Variants in ABLIM1 observed in about 807,000 individuals in gnomAD.
ABLIM1 encodes the protein actin-binding LIM protein 1.
In ABLIM1, 40 loss-of-function variants were observed where a neutral mutation model predicts 107.0. That is an observed-to-expected ratio of 0.37 (90% CI 0.29 to 0.49). The LOEUF (loss-of-function observed/expected upper bound fraction) is 0.49. ABLIM1 is among the 20% of genes least tolerant of loss of function. The pLI is 0.97. For missense variants in ABLIM1, 857 were observed against 1,008.5 expected (o/e 0.85, Z 2.04); for synonymous variants, 357 against 357.3 (o/e 1.00, Z 0.01).
chr10:114,608,624 G>A (rs572381606), intron 1 of ABLIM1, among the ~76,000 whole-genome samples: 2 of 152,030 alleles, frequency 1.3e-5, no homozygotes, highest in Admixed American at 6.6e-5. Flanking sequence ...AGCCGAGATC[G>A]TGCCATTGCA....
chr10:114,597,963 C>T (rs961805845), intron 2 of ABLIM1, among the ~76,000 whole-genome samples: 2 of 152,210 alleles, frequency 1.3e-5, no homozygotes, highest in Non-Finnish European at 2.9e-5. Context: ...CATGTGGCTA[C>T]TGACCATTTG....
the ABLIM1 span, among the ~76,000 whole-genome samples, chr10:114,782,620 A>T: frequency 6.6e-6 from 1 of 152,134 alleles, no homozygotes; most frequent in South Asian, 2.1e-4. Context: ...GTAATGAAAG[A>T]TCATTTAAAG....
chr10:114,537,071 A>G (rs1232583186), intron 6 of ABLIM1, among the ~76,000 whole-genome samples: 1 of 152,204 alleles, frequency 6.6e-6, no homozygotes, highest in African/African-American at 2.4e-5. Context: ...ACAGGCCTTT[A>G]CCATCCACCA....
At chr10:114,774,164 A>G in the ABLIM1 span, among the ~76,000 whole-genome samples, 76 of 152,328 alleles carry the variant, frequency 5.0e-4, 1 homozygote, top group South Asian at 0.016. Flanking sequence ...GCTTTTGGCC[A>G]TGATGAAGTA....
At chr10:114,740,677 T>C (rs757494559) in intron 1 of ABLIM1, among the ~76,000 whole-genome samples, 1 of 152,126 alleles carries the variant, frequency 6.6e-6, no homozygotes, top group Non-Finnish European at 1.5e-5. Flanking sequence ...CAATAGTATA[T>C]ATATACTATA....
chr10:114,608,542 G>A (rs2076583366), intron 1 of ABLIM1, among the ~76,000 whole-genome samples: 1 of 152,088 alleles, frequency 6.6e-6, no homozygotes. Context: ...GGTGGCGTAT[G>A]CCTGTAATCC....
chr10:114,477,291 C>T (rs1457475528), intron 8 of ABLIM1, among the ~76,000 whole-genome samples: 4 of 152,230 alleles, frequency 2.6e-5, no homozygotes, highest in East Asian at 1.9e-4. Context: ...ATTTTTGTTG[C>T]GCTAGCTCTG....
At chr10:114,800,774 T>G in the ABLIM1 span, among the ~76,000 whole-genome samples, 2 of 152,126 alleles carry the variant, frequency 1.3e-5, no homozygotes, top group Admixed American at 6.5e-5. Flanking sequence ...TAGCCAGGCA[T>G]GGCGCATGCC....
At chr10:114,632,036 C>A in intron 1 of ABLIM1, 1 of 1,270,840 alleles carries the variant, frequency 7.9e-7, no homozygotes. Flanking sequence ...GAAGCCCCGG[C>A]ATCCGCTTGT....
At chr10:114,725,735 ATGTGTGTGTGTG>A (rs3981295) in intron 1 of ABLIM1, among the ~76,000 whole-genome samples, 42 of 142,294 alleles carry the variant, frequency 3.0e-4, no homozygotes, top group Admixed American at 8.6e-4. Flanking sequence ...TATATATAAA[ATGTGTGTGTGTG>A]TGTGTGTGTG....
intron 2 of ABLIM1, among the ~76,000 whole-genome samples, chr10:114,599,784 TCAAA>T (rs1416733722): frequency 9.3e-6 from 1 of 107,694 alleles, no homozygotes; most frequent in African/African-American, 3.0e-5. Flanking sequence ...AGACTCCATC[TCAAA>T]TAAATAAATA....
intron 2 of ABLIM1, among the ~76,000 whole-genome samples, chr10:114,580,096 G>A (rs1222532114): frequency 6.6e-6 from 1 of 151,608 alleles, no homozygotes; most frequent in Non-Finnish European, 1.5e-5. Context: ...TTTTATCATC[G>A]TGTTGAACCA....
chr10:114,522,348 A>G (rs1477206678), intron 6 of ABLIM1, among the ~76,000 whole-genome samples: 1 of 152,212 alleles, frequency 6.6e-6, no homozygotes, highest in Non-Finnish European at 1.5e-5. Context: ...ATAAGGGCCA[A>G]CATCTTCTTT....
intron 1 of ABLIM1, among the ~76,000 whole-genome samples, chr10:114,705,552 T>G (rs894105395): frequency 2.0e-5 from 3 of 151,978 alleles, no homozygotes; most frequent in East Asian, 3.9e-4. Context: ...AAACGGGAAA[T>G]GGAGATGGTT....
chr10:114,433,685 C>T lies in ABLIM1; in HGVS notation c.*2575G>A, dbSNP rs986037629. 6.6e-6 allele frequency: 1 copy of T among 152,178 alleles called. No individual in the cohort carries two copies. Among genetic ancestry groups the T allele is most frequent in the Admixed American group, 6.5e-5 (1 of 15,290 alleles). The allele number at this position is 152,178 out of a possible 1,614,324, so 9.4% of individuals were successfully genotyped here. ...GGGTTCAGTTCTTTATCACTGCAATCTTAGGCAGGCCCCTTAACTCCTAGT... is the reference window on the plus strand; with the variant it reads ...GGGTTCAGTTCTTTATCACTGCAATTTTAGGCAGGCCCCTTAACTCCTAGT... On this transcript the variant is annotated 3_prime_UTR_variant, in exon 23 of 23. Coordinates refer to ENST00000533213, the MANE Select transcript of ABLIM1 (RefSeq NM_002313.7).
At chr10:114,526,729 T>C in intron 6 of ABLIM1, 5 of 985,498 alleles carry the variant, frequency 5.1e-6, no homozygotes, top group Non-Finnish European at 6.0e-6. Context: ...CCTCCAGGCT[T>C]CAAGTTCAGA....
intron 6 of ABLIM1, among the ~76,000 whole-genome samples, chr10:114,518,656 G>C (rs2136328693): frequency 6.6e-6 from 1 of 151,558 alleles, no homozygotes; most frequent in African/African-American, 2.4e-5. Context: ...CATTTACATA[G>C]TCTCTAGGTC....
rs2067145898 is a variant in ABLIM1, at chr10:114,545,083, G to T, written c.816C>A (p.Tyr272Ter). The T allele has an allele frequency of 6.2e-7, 1 of 1,614,044 alleles. No individual in the cohort carries two copies. The highest frequency in any genetic ancestry group is 8.5e-7 in the Non-Finnish European group (1 of 1,180,022). Residue 272 changes from tyrosine (Y) to a stop codon, truncating the protein, a stop_gained, in exon 6 of 23, where the codon TAC (tyrosine) becomes TAA (stop). Transcript: ENST00000533213. LOFTEE classifies it high-confidence loss of function. ...GEYISKDGAP[Y>*]CEKDYQGLFG... is the part of the protein sequence containing the mutation. ...AGAGTCCCTGGTAGTCCTTTTCACA[G>T]TACGGAGCACCATCCCTGCAAGACA...
At chr10:114,613,546 G>T in intron 1 of ABLIM1, 1 of 597,030 alleles carries the variant, frequency 1.7e-6, no homozygotes, top group Non-Finnish European at 2.7e-6. Context: ...AAACTGCAGA[G>T]TGAAGCTTTT....
Sources: allele counts gnomAD v4.1 joint callset (sites outside exome capture counted in the v4.1 genomes callset), GRCh38; gene constraint gnomAD v4.1.1; transcripts MANE v1.5; gene names NCBI Gene and HGNC (gene_info 2026-07-23, HGNC 2026-07-21).